Variants in UVRAG observed in about 807,000 individuals in gnomAD.
The protein encoded by UVRAG is UV radiation resistance-associated gene protein.
In UVRAG, 19 loss-of-function variants were observed where a neutral mutation model predicts 78.0. That is an observed-to-expected ratio of 0.24 (90% CI 0.17 to 0.36). UVRAG has a LOEUF of 0.36. Among genes scored for constraint, UVRAG ranks in the 10% least tolerant of loss-of-function variants. The pLI is 1.00. For missense variants in UVRAG, 740 were observed against 853.8 expected, an observed-to-expected ratio of 0.87 and a Z score of 1.66; for synonymous variants, 323 against 324.6, an observed-to-expected ratio of 1.00 and a Z score of 0.05.
chr11:76,110,474 G>A lies in UVRAG; in HGVS notation c.1306-5450G>A, dbSNP rs947583793. Among the ~76,000 whole-genome samples the A allele has an allele frequency of 1.3e-4, 20 of 152,124 alleles. 3 individuals carry two copies. Among genetic ancestry groups the A allele is most frequent in the Admixed American group, 1.2e-3 (18 of 15,268 alleles). ...CTTCTGCATTTAAGCCTATCCTACT[G>A]TGTCGTGATGCCTCTCATTTCTTCC... On this transcript the variant is annotated intron_variant, in intron 13 of 14. Coordinates refer to ENST00000356136, the MANE Select transcript of UVRAG (RefSeq NM_003369.4).
intron 12 of UVRAG, among the ~76,000 whole-genome samples, chr11:76,044,774 C>A (rs2134337961): frequency 6.6e-6 from 1 of 150,884 alleles, no homozygotes; most frequent in Non-Finnish European, 1.5e-5. Flanking sequence ...ACTCCATCTC[C>A]TAAAAAAAAG....
chr11:76,031,781 A>G (rs187633630), intron 12 of UVRAG, among the ~76,000 whole-genome samples: 11 of 152,336 alleles, frequency 7.2e-5, no homozygotes, highest in South Asian at 2.1e-4. Flanking sequence ...CCCACATTCA[A>G]TACTGTTACA....
chr11:75,904,425 C>A (rs1456009570), intron 5 of UVRAG, among the ~76,000 whole-genome samples: 1 of 152,172 alleles, frequency 6.6e-6, no homozygotes, highest in Non-Finnish European at 1.5e-5. Flanking sequence ...CATTATAATC[C>A]TTCATCAGAA....
intron 6 of UVRAG, among the ~76,000 whole-genome samples, chr11:75,952,203 A>G (rs548505691): frequency 5.3e-5 from 8 of 152,192 alleles, no homozygotes; most frequent in African/African-American, 9.6e-5. Context: ...GGATTTTTCT[A>G]CATACACAAT....
chr11:75,977,232 G>C (rs1414502981), intron 7 of UVRAG, among the ~76,000 whole-genome samples: 1 of 152,196 alleles, frequency 6.6e-6, no homozygotes, highest in Non-Finnish European at 1.5e-5. Flanking sequence ...TGGTCTGAGA[G>C]ACAGTTTGTT....
chr11:75,888,819 C>T lies in UVRAG; in HGVS notation c.433-10C>T. On this transcript the variant is annotated splice_polypyrimidine_tract_variant and intron_variant, in intron 4 of 14. Transcript: ENST00000356136. ...AAAATAACAAATACTGTATTTTCCT[C>T]CTCTCTTAGATTCATGCCCGAAACC... 1.9e-6 allele frequency: 3 copies of T among 1,608,812 alleles called. No individual in the cohort carries two copies. The highest frequency in any genetic ancestry group is 2.5e-6 in the Non-Finnish European group (3 of 1,176,794).
rs138436357 is a variant in UVRAG, at chr11:76,141,312, G to T, written c.1999G>T (p.Glu667Ter). 6.2e-7 allele frequency: 1 copy of T among 1,614,194 alleles called. No homozygotes were observed. Among genetic ancestry groups the T allele is most frequent in the Non-Finnish European group, 8.5e-7 (1 of 1,180,036 alleles). ...VDSAVAVECD[E>*]QVLGEFEEFS... is the part of the protein sequence containing the mutation. ...CAGTGCTGTGGCAGTAGAGTGTGAC[G>T]AACAAGTTCTGGGAGAATTTGAAGA... Residue 667 changes from glutamate to a stop codon, truncating the protein, a stop_gained, in exon 15 of 15, where the codon GAA (glutamate) becomes TAA (stop). Coordinates refer to ENST00000356136, the MANE Select transcript of UVRAG (RefSeq NM_003369.4). LOFTEE classifies it high-confidence loss of function.
Position 75,951,325 on chromosome 11 carries a change from ATGTGTGTGTGTGTGTGTG to A in UVRAG, c.594-10101_594-10084del, listed in dbSNP as rs71036071. Among the ~76,000 whole-genome samples the A allele has an allele frequency of 5.1e-3, 762 of 149,588 alleles. 7 individuals carry two copies. Among genetic ancestry groups the A allele is most frequent in the African/African-American group, 0.017 (697 of 40,356 alleles). ...TGAATGATTCTTTCTATAATCTGAA[ATGTGTGTGTGTGTGTGTG>A]TGTGTGTGTGTGTGTGTATATATTT... On this transcript the variant is annotated intron_variant, in intron 6 of 14. Coordinates refer to ENST00000356136, the MANE Select transcript of UVRAG (RefSeq NM_003369.4).
intron 13 of UVRAG, among the ~76,000 whole-genome samples, chr11:76,092,279 A>G (rs1257183565): frequency 6.6e-6 from 1 of 152,132 alleles, no homozygotes; most frequent in Non-Finnish European, 1.5e-5. Flanking sequence ...GCTATTGTGA[A>G]TAGTGCCGCA....
chr11:76,059,625 A>C (rs1951044747), intron 12 of UVRAG, among the ~76,000 whole-genome samples: 1 of 152,208 alleles, frequency 6.6e-6, no homozygotes, highest in African/African-American at 2.4e-5. Flanking sequence ...TGTAGTATAT[A>C]GGACAGCACC....
intron 2 of UVRAG, among the ~76,000 whole-genome samples, chr11:75,852,256 C>G (rs1285925040): frequency 6.6e-6 from 1 of 152,136 alleles, no homozygotes; most frequent in Non-Finnish European, 1.5e-5. Flanking sequence ...GGTCTAGCAG[C>G]TAGCATTTCA....
At chr11:75,948,734 A>T (rs543755127) in intron 6 of UVRAG, among the ~76,000 whole-genome samples, 1 of 152,176 alleles carries the variant, frequency 6.6e-6, no homozygotes, top group Non-Finnish European at 1.5e-5. Context: ...CCATAGATAC[A>T]TAATGAAAGG....
intron 1 of UVRAG, among the ~76,000 whole-genome samples, chr11:75,842,728 C>G (rs1240195971): frequency 6.6e-6 from 1 of 152,126 alleles, no homozygotes; most frequent in Non-Finnish European, 1.5e-5. Context: ...GCATGAGCCA[C>G]CGTACCTGGC....
chr11:76,086,162 A>G (rs991988800), intron 13 of UVRAG, among the ~76,000 whole-genome samples: 27 of 152,358 alleles, frequency 1.8e-4, no homozygotes, highest in Non-Finnish European at 7.3e-5. Context: ...ATGGAACTAT[A>G]TAAGACATAT....
chr11:75,958,818 A>G (rs1485472034), intron 6 of UVRAG, among the ~76,000 whole-genome samples: 4 of 152,246 alleles, frequency 2.6e-5, no homozygotes, highest in African/African-American at 9.6e-5. Context: ...TATTTCTTAA[A>G]TAATAAAACT....
At chr11:75,960,203 T>C (rs76735242) in intron 6 of UVRAG, among the ~76,000 whole-genome samples, 3 of 108,188 alleles carry the variant, frequency 2.8e-5, no homozygotes, top group African/African-American at 1.6e-4. Context: ...CTTCAATTTG[T>C]TTTTTTTTTT....
At chr11:75,890,657 C>G (rs1267809662) in intron 5 of UVRAG, among the ~76,000 whole-genome samples, 1 of 151,302 alleles carries the variant, frequency 6.6e-6, no homozygotes, top group Non-Finnish European at 1.5e-5. Context: ...ATCTATGAGT[C>G]TGAAGTTCAG....
At chr11:76,054,402 C>T (rs1565139291) in intron 12 of UVRAG, among the ~76,000 whole-genome samples, 2 of 152,280 alleles carry the variant, frequency 1.3e-5, no homozygotes, top group East Asian at 1.9e-4. Context: ...TTTCTTGCTC[C>T]CCTGCAGTTT....
At chr11:75,817,929 G>A (rs1209817846) in intron 1 of UVRAG, among the ~76,000 whole-genome samples, 1 of 151,032 alleles carries the variant, frequency 6.6e-6, no homozygotes, top group African/African-American at 2.4e-5. Context: ...ATGTGGTGGC[G>A]CACATTTGTA....
Sources: allele counts gnomAD v4.1 joint callset (sites outside exome capture counted in the v4.1 genomes callset), GRCh38; gene constraint gnomAD v4.1.1; transcripts MANE v1.5; gene names NCBI Gene and HGNC (gene_info 2026-07-23, HGNC 2026-07-21).